The following ZC2HC1A variants were observed in gnomAD, a reference collection of about 807,000 sequenced individuals.
The protein encoded by ZC2HC1A is zinc finger C2HC domain-containing protein 1A.
Under a neutral mutation model 40.7 loss-of-function variants are expected in ZC2HC1A, and 28 were observed. The ratio of observed to expected loss-of-function variants is 0.69; its 90% CI spans 0.51 to 0.94. ZC2HC1A has a LOEUF of 0.94. Ranked by LOEUF, ZC2HC1A falls within the 40% of genes least tolerant of loss-of-function variation. The pLI is 0.00. For missense variants in ZC2HC1A, 389 were observed against 386.3 expected (o/e 1.01, Z -0.06); for synonymous variants, 129 against 129.2 (o/e 1.00, Z 0.01).
chr8:78,707,317 C>T (rs935033653), intron 7 of ZC2HC1A, among the ~76,000 whole-genome samples: 5 of 152,126 alleles, frequency 3.3e-5, no homozygotes, highest in East Asian at 1.9e-4. Flanking sequence ...CTAGATAGGA[C>T]GTGTAAAGCT....
chr8:78,667,759 A>G (rs1372934313), intron 1 of ZC2HC1A, among the ~76,000 whole-genome samples: 2 of 152,172 alleles, frequency 1.3e-5, no homozygotes, highest in African/African-American at 4.8e-5. Flanking sequence ...AGTGGACCTT[A>G]CATTTTAACA....
At chr8:78,702,419 C>T (rs1444575944) in intron 7 of ZC2HC1A, among the ~76,000 whole-genome samples, 1 of 152,052 alleles carries the variant, frequency 6.6e-6, no homozygotes, top group African/African-American at 2.4e-5. Flanking sequence ...AAAAGCAGCT[C>T]CTAGATTTGT....
intron 1 of ZC2HC1A, among the ~76,000 whole-genome samples, chr8:78,670,842 T>C (rs1809421421): frequency 6.6e-6 from 1 of 152,184 alleles, no homozygotes; most frequent in Non-Finnish European, 1.5e-5. Context: ...TTGAGTCGGG[T>C]AGGCATTGAC....
chr8:78,697,654 A>C, intron 6 of ZC2HC1A, 148 bp downstream of exon 6: 1 of 613,698 alleles, frequency 1.6e-6, no homozygotes, highest in South Asian at 2.4e-5. Flanking sequence ...TTAAAATAAG[A>C]TAACTTTGAG....
chr8:78,713,463 CA>C (rs35677411), intron 7 of ZC2HC1A, among the ~76,000 whole-genome samples: 8,100 of 136,318 alleles, frequency 0.059, 260 homozygotes, highest in Middle Eastern at 0.098. Context: ...ATTCTATAGC[CA>C]AAAAAAAAAA....
chr8:78,670,528 T>C (rs1809413883), intron 1 of ZC2HC1A, among the ~76,000 whole-genome samples: 1 of 152,182 alleles, frequency 6.6e-6, no homozygotes, highest in African/African-American at 2.4e-5. Flanking sequence ...CCATTTAACT[T>C]AGGTTAATGT....
intron 3 of ZC2HC1A, among the ~76,000 whole-genome samples, chr8:78,679,648 C>G (rs746039043): frequency 9.9e-5 from 15 of 152,128 alleles, no homozygotes; most frequent in Non-Finnish European, 1.8e-4. Context: ...TGAAAAGCAT[C>G]ATTTCAGTGA....
chr8:78,703,349 A>G (rs547082073), intron 7 of ZC2HC1A, among the ~76,000 whole-genome samples: 1 of 152,262 alleles, frequency 6.6e-6, no homozygotes, highest in Admixed American at 6.5e-5. Context: ...CTGTCTTGAT[A>G]ATCTGTCTAA....
In ZC2HC1A at chr8:78,719,235, T is replaced by A. The variant is rs200373297; in HGVS notation, c.*1742T>A. 1 of 16,684 alleles carries A rather than the reference T, an allele frequency of 6.0e-5. No homozygotes were observed. 1.0% of individuals were successfully genotyped at this position (16,684 alleles called of 1,614,324 possible). ...CTGAGCACTGTTTTTTTGTCAAGTA[T>A]TTTTTTAAGACCACATAATTCTTTT... On this transcript the variant is annotated 3_prime_UTR_variant, in exon 9 of 9. Coordinates refer to ENST00000263849, the MANE Select transcript of ZC2HC1A (RefSeq NM_016010.3).
intron 7 of ZC2HC1A, among the ~76,000 whole-genome samples, chr8:78,711,142 A>G (rs1810938041): frequency 6.6e-6 from 1 of 152,158 alleles, no homozygotes; most frequent in Non-Finnish European, 1.5e-5. Flanking sequence ...TAAAAAGAAC[A>G]GACTTTTAAA....
At chr8:78,694,956 A>G (rs1394662205) in intron 5 of ZC2HC1A, among the ~76,000 whole-genome samples, 1 of 152,202 alleles carries the variant, frequency 6.6e-6, no homozygotes, top group Non-Finnish European at 1.5e-5. Flanking sequence ...ATAATAGCAC[A>G]CAAAACCGTT....
intron 1 of ZC2HC1A, among the ~76,000 whole-genome samples, chr8:78,668,746 A>C (rs1331165796): frequency 6.6e-6 from 1 of 152,146 alleles, no homozygotes. Flanking sequence ...ATTCCTTTTC[A>C]TCTAATAAAA....
At position 78,666,161 on chromosome 8, in the gene ZC2HC1A, G is replaced by C. The variant is rs1010212735; in HGVS notation, c.13G>C (p.Glu5Gln). 6.4e-7 allele frequency: 1 copy of C among 1,574,680 alleles called. No individual in the cohort carries two copies. The highest frequency in any genetic ancestry group is 8.6e-7 in the Non-Finnish European group (1 of 1,160,332). ...AGGAGGTGGCGCGATGGAGGGACTG[G>C]AAGGTGAGGCGATGAAGGGATGAGG... MEGL[E>Q]ENGGVVQVGE... Residue 5 changes from glutamate to glutamine, a missense_variant, in exon 1 of 9, where the codon GAA (glutamate) becomes CAA (glutamine). By Grantham distance (29) the Glu-to-Gln change is conservative. Coordinates refer to ENST00000263849, the MANE Select transcript of ZC2HC1A (RefSeq NM_016010.3).
intron 7 of ZC2HC1A, among the ~76,000 whole-genome samples, chr8:78,702,151 C>T (rs1810625709): frequency 1.3e-5 from 2 of 151,948 alleles, no homozygotes; most frequent in Non-Finnish European, 2.9e-5. Flanking sequence ...TTTCAGAACT[C>T]GTTATTTGTC....
chr8:78,697,305 G>A, intron 5 of ZC2HC1A, 102 bp from the exon 6 acceptor site: 2 of 910,062 alleles, frequency 2.2e-6, no homozygotes, highest in Non-Finnish European at 1.6e-6. Flanking sequence ...CATCTTGTAA[G>A]GCTGAAATCC....
rs1244488411 is a variant in ZC2HC1A at position 78,719,042 on chromosome 8, C to T, written c.*1549C>T. 4 of 151,506 alleles carry T rather than the reference C, an allele frequency of 2.6e-5. No homozygotes were observed. The highest frequency in any genetic ancestry group is 5.9e-5 in the Non-Finnish European group (4 of 67,578). 9.4% of individuals were successfully genotyped at this position (151,506 alleles called of 1,614,324 possible). A position where few individuals can be genotyped will look rare whatever the true frequency, so the allele number is the denominator to read the frequency against. ...TCCTGATTAGTTGTTAATTTTTTTC[C>T]CCTCAGTTATCTTTATTCAGTCTTA... On this transcript the variant is annotated 3_prime_UTR_variant, in exon 9 of 9. Coordinates refer to ENST00000263849, the MANE Select transcript of ZC2HC1A (RefSeq NM_016010.3).
chr8:78,701,405 G>C (rs1810599500), intron 7 of ZC2HC1A, among the ~76,000 whole-genome samples: 1 of 152,098 alleles, frequency 6.6e-6, no homozygotes, highest in Non-Finnish European at 1.5e-5. Context: ...TGATATAATG[G>C]GGTTTTCTAG....
rs891498529 is a variant in ZC2HC1A, at chr8:78,696,702, G to A, written c.505-705G>A. ...AATTTAAGATGGTCTGGTGAGGATC[G>A]TGAAGCCAGAATTAGCTCTTTCTCT... is the stretch of plus-strand genomic sequence containing the variant. On this transcript the variant is annotated intron_variant, in intron 5 of 8. Transcript: ENST00000263849. 3.3e-5 allele frequency among the ~76,000 whole-genome samples: 5 copies of A among 152,288 alleles called. No individual in the cohort carries two copies. The South Asian group carries it at 8.3e-4, about 25-fold the overall frequency.
At position 78,717,329 on chromosome 8, in the gene ZC2HC1A, C is replaced by T. The variant is rs1213632198; in HGVS notation, c.814C>T (p.Pro272Ser). Residue 272 changes from proline to serine, a missense_variant and splice_region_variant, in exon 9 of 9, where the codon CCA (proline) becomes TCA (serine). Pro to Ser is a moderately conservative substitution (Grantham distance 74). Coordinates refer to ENST00000263849, the MANE Select transcript of ZC2HC1A (RefSeq NM_016010.3). ...TTCATTGTTTCTTTACTTTTTTAGG[C>T]CAGATGGGGACTGTGCATCTTCCCT... ...KTYTESYIARPDGDCASSLNG... is the reference protein window; with the variant it reads ...KTYTESYIARSDGDCASSLNG... 10 of 1,600,832 alleles carry T rather than the reference C, an allele frequency of 6.2e-6. No individual in the cohort carries two copies. Among genetic ancestry groups the T allele is most frequent in the Non-Finnish European group, 7.7e-6 (9 of 1,175,986 alleles).
Sources: allele counts gnomAD v4.1 joint callset (sites outside exome capture counted in the v4.1 genomes callset), GRCh38; gene constraint gnomAD v4.1.1; transcripts MANE v1.5; gene names NCBI Gene and HGNC (gene_info 2026-07-23, HGNC 2026-07-21).